SORCS1: variants seen among roughly 807,000 people sequenced by gnomAD.
SORCS1 encodes VPS10 domain-containing receptor SorCS1.
Under a neutral mutation model 146.1 loss-of-function variants are expected in SORCS1, and 60 were observed. The ratio of observed to expected loss-of-function variants is 0.41; its 90% confidence interval spans 0.33 to 0.51. The LOEUF (loss-of-function observed/expected upper bound fraction) is 0.51, where lower values mean the gene tolerates loss of function less well. Ranked by LOEUF, SORCS1 falls within the 20% of genes least tolerant of loss-of-function variation. The pLI is 0.21. For missense variants in SORCS1, 1,352 were observed against 1,487.6 expected (o/e 0.91, Z 1.50); for synonymous variants, 637 against 584.0 (o/e 1.09, Z -1.31).
chr10:106,777,732 A>G (rs1172261318), intron 3 of SORCS1, among the ~76,000 whole-genome samples: 2 of 152,220 alleles, frequency 1.3e-5, no homozygotes, highest in Non-Finnish European at 2.9e-5. Flanking sequence ...TCCTCATTTT[A>G]TGCCTTCACG....
chr10:106,735,449 C>T (rs1422244351), intron 5 of SORCS1, among the ~76,000 whole-genome samples: 1 of 152,136 alleles, frequency 6.6e-6, no homozygotes, highest in East Asian at 1.9e-4. Flanking sequence ...TTTGAAGACA[C>T]AGGAGGAATG....
chr10:107,029,936 T>C (rs1958574664), intron 1 of SORCS1, among the ~76,000 whole-genome samples: 1 of 152,118 alleles, frequency 6.6e-6, no homozygotes, highest in African/African-American at 2.4e-5. Flanking sequence ...ATCACAGCAA[T>C]GAAAGAGTTG....
chr10:106,673,669 T>C (rs1227396731), intron 14 of SORCS1, among the ~76,000 whole-genome samples: 1 of 152,220 alleles, frequency 6.6e-6, no homozygotes, highest in Non-Finnish European at 1.5e-5. Flanking sequence ...CTAGGTTATC[T>C]TGCTAATGTA....
chr10:107,127,352 A>G (rs1467314039), intron 1 of SORCS1, among the ~76,000 whole-genome samples: 1 of 152,008 alleles, frequency 6.6e-6, no homozygotes, highest in Non-Finnish European at 1.5e-5. Flanking sequence ...TTTCCAGGAT[A>G]TATCTGTTTG....
intron 1 of SORCS1, among the ~76,000 whole-genome samples, chr10:106,992,429 T>TAG (rs1279507959): frequency 6.6e-6 from 1 of 152,152 alleles, no homozygotes; most frequent in Non-Finnish European, 1.5e-5. Context: ...AACCTATAGG[T>TAG]AGTTCCTAAT....
intron 17 of SORCS1, 29 bp downstream of exon 17, chr10:106,667,660 C>G (rs1385694804): frequency 3.2e-6 from 5 of 1,555,758 alleles, no homozygotes; most frequent in Non-Finnish European, 4.4e-6. Flanking sequence ...AAAGGTTGGC[C>G]TCTCAAGGTC....
At chr10:107,078,419 C>A (rs984513162) in intron 1 of SORCS1, among the ~76,000 whole-genome samples, 1 of 152,124 alleles carries the variant, frequency 6.6e-6, no homozygotes, top group African/African-American at 2.4e-5. Context: ...GGGACAGAAG[C>A]CTGTTTGTGG....
chr10:106,665,879 C>T (rs1668204313), intron 17 of SORCS1, among the ~76,000 whole-genome samples: 1 of 152,102 alleles, frequency 6.6e-6, no homozygotes, highest in Admixed American at 6.6e-5. Context: ...CACTCTGCCG[C>T]CCAGGCTGGA....
Position 106,671,248 on chromosome 10 carries a change from A to G in SORCS1, c.2178T>C (p.Ala726=), listed in dbSNP as rs149519016. 4.3e-6 allele frequency: 7 copies of G among 1,614,104 alleles called. No individual in the cohort carries two copies. The highest frequency in any genetic ancestry group is 5.9e-6 in the Non-Finnish European group (7 of 1,179,952). ...MESEPCVCTE[A]DFDCDYGYER... Reference sequence around the variant, plus strand: ...TTGCACAAGCTCACCAATCAAAATCAGCCTCAGTGCAGACACAGGGTTCAG... The same window carrying G: ...TTGCACAAGCTCACCAATCAAAATCGGCCTCAGTGCAGACACAGGGTTCAG... The change falls in exon 16 of 26, where the codon GCT becomes GCC. Residue 726 remains alanine (A), a synonymous_variant. Coordinates refer to ENST00000263054, the MANE Select transcript of SORCS1 (RefSeq NM_052918.5).
intron 2 of SORCS1, among the ~76,000 whole-genome samples, chr10:106,832,636 C>A (rs1455867183): frequency 6.6e-6 from 1 of 151,980 alleles, no homozygotes; most frequent in African/African-American, 2.4e-5. Context: ...TTATTCTGAA[C>A]AATACTCACA....
chr10:106,909,381 T>G (rs1319906447), intron 2 of SORCS1, among the ~76,000 whole-genome samples: 1 of 129,382 alleles, frequency 7.7e-6, no homozygotes, highest in Non-Finnish European at 1.8e-5. Context: ...AGAATACAAA[T>G]GACAGAGAGA....
chr10:106,620,902 TCCCTGGTGGTGAACCAGAG>T, intron 19 of SORCS1, among the ~76,000 whole-genome samples: 1 of 152,228 alleles, frequency 6.6e-6, no homozygotes, highest in South Asian at 2.1e-4. Flanking sequence ...AGAGGTTGTA[TCCCTGGTGGTGAACCAGAG>T]TCATGAAGAC....
intron 1 of SORCS1, among the ~76,000 whole-genome samples, chr10:107,131,548 C>T (rs902033949): frequency 3.3e-5 from 5 of 152,020 alleles, no homozygotes; most frequent in Non-Finnish European, 5.9e-5. Flanking sequence ...CATGGCGAAC[C>T]CCCCCATCTC....
intron 18 of SORCS1, among the ~76,000 whole-genome samples, chr10:106,651,125 GA>G (rs1357501703): frequency 6.6e-6 from 1 of 152,150 alleles, no homozygotes; most frequent in Non-Finnish European, 1.5e-5. Context: ...ATCAGGAAAG[GA>G]GTATGGGGTT....
At chr10:106,578,812 AAACATAT>A in intron 25 of SORCS1, 1 of 1,276,670 alleles carries the variant, frequency 7.8e-7, no homozygotes, top group Non-Finnish European at 9.9e-7. Context: ...CTTTGCCCAT[AAACATAT>A]AACATTTTAA....
At chr10:107,133,955 G>T (rs769301050) in intron 1 of SORCS1, among the ~76,000 whole-genome samples, 5 of 152,180 alleles carry the variant, frequency 3.3e-5, no homozygotes, top group Non-Finnish European at 7.3e-5. Context: ...AACATATGCA[G>T]AACTACAGCT....
chr10:107,177,840 T>G, the SORCS1 span, among the ~76,000 whole-genome samples: 1 of 152,212 alleles, frequency 6.6e-6, no homozygotes, highest in Non-Finnish European at 1.5e-5. Context: ...AAGAAAATCA[T>G]TTCTTTGCAG....
At chr10:106,991,968 G>A (rs1195478222) in intron 1 of SORCS1, among the ~76,000 whole-genome samples, 1 of 152,134 alleles carries the variant, frequency 6.6e-6, no homozygotes. Flanking sequence ...TTCCACCAGT[G>A]ACAGATCTGA....
chr10:106,946,026 C>T (rs577271480), intron 2 of SORCS1, among the ~76,000 whole-genome samples: 1 of 152,246 alleles, frequency 6.6e-6, no homozygotes, highest in South Asian at 2.1e-4. Flanking sequence ...GGGCTTTTCC[C>T]ACTTGGCACT....
Sources: gnomAD v4.1 joint callset for allele counts (sites outside exome capture counted in the v4.1 genomes callset) on GRCh38, gnomAD v4.1.1 for gene constraint, MANE v1.5 for transcripts, NCBI Gene and HGNC (gene_info 2026-07-23, HGNC 2026-07-21) for gene names.